The following COL26A1 variants were observed in gnomAD, a reference collection of about 807,000 sequenced individuals.
COL26A1 encodes collagen alpha-1(XXVI) chain.
In COL26A1, 41 loss-of-function variants were observed where a neutral mutation model predicts 59.3. The observed-to-expected ratio is 0.69, with a 90% CI of 0.54 to 0.90. COL26A1 has a LOEUF of 0.90. Among genes scored for constraint, COL26A1 ranks in the 40% least tolerant of loss-of-function variants. The probability of loss-of-function intolerance (pLI) is 0.00; values close to 1 mark genes in which losing one functional copy is unlikely to be tolerated. For missense variants in COL26A1, 612 were observed against 602.3 expected (o/e 1.02, Z -0.17); for synonymous variants, 266 against 256.0 (o/e 1.04, Z -0.37).
chr7:101,443,848 GT>G (rs1176269302), intron 2 of COL26A1, among the ~76,000 whole-genome samples: 15 of 146,904 alleles, frequency 1.0e-4, no homozygotes, highest in Non-Finnish European at 1.8e-4. Context: ...TGTATTCCAA[GT>G]TTTTTCTTTT....
intron 3 of COL26A1, among the ~76,000 whole-genome samples, chr7:101,511,317 A>T (rs182638089): frequency 2.4e-4 from 36 of 152,316 alleles, no homozygotes; most frequent in Admixed American, 3.9e-4. Flanking sequence ...AACCCTTTAG[A>T]AGGCTTTGAC....
chr7:101,367,201 A>G (rs1791067389), intron 1 of COL26A1, among the ~76,000 whole-genome samples: 1 of 152,162 alleles, frequency 6.6e-6, no homozygotes. Flanking sequence ...CTAGTCTACC[A>G]TATTATATCA....
chr7:101,489,585 C>G (rs971800355), intron 3 of COL26A1, among the ~76,000 whole-genome samples: 5 of 151,920 alleles, frequency 3.3e-5, no homozygotes, highest in African/African-American at 9.6e-5. Flanking sequence ...CCACCACACT[C>G]GGCTATTTTC....
At chr7:101,553,901 G>A (rs993814531) in intron 11 of COL26A1, among the ~76,000 whole-genome samples, 11 of 152,094 alleles carry the variant, frequency 7.2e-5, no homozygotes, top group African/African-American at 2.4e-4. Flanking sequence ...GCCAGTGGGA[G>A]GGGGCAGCCA....
intron 1 of COL26A1, among the ~76,000 whole-genome samples, chr7:101,396,609 C>T (rs1234416933): frequency 6.6e-6 from 1 of 152,078 alleles, no homozygotes; most frequent in Non-Finnish European, 1.5e-5. Flanking sequence ...ACTACAGGTG[C>T]CCGCCATCAT....
At chr7:101,418,288 C>T (rs11765474) in intron 1 of COL26A1, among the ~76,000 whole-genome samples, 65,625 of 149,638 alleles carry the variant, frequency 0.44, 16,330 homozygotes, top group Middle Eastern at 0.58. Flanking sequence ...TCTACCTCCT[C>T]ATCTGCATCT....
chr7:101,368,289 G>T (rs4729698), intron 1 of COL26A1, among the ~76,000 whole-genome samples: 2 of 151,844 alleles, frequency 1.3e-5, no homozygotes, highest in African/African-American at 4.8e-5. Flanking sequence ...TGATCATTGC[G>T]TATGTCATTC....
chr7:101,370,151 G>A (rs1463131822), intron 1 of COL26A1, among the ~76,000 whole-genome samples: 3 of 151,818 alleles, frequency 2.0e-5, no homozygotes, highest in Non-Finnish European at 2.9e-5. Context: ...ATGAACCACC[G>A]CGCCTGGCCT....
intron 3 of COL26A1, among the ~76,000 whole-genome samples, chr7:101,492,781 C>T (rs936028076): frequency 6.6e-6 from 1 of 151,568 alleles, no homozygotes; most frequent in African/African-American, 2.4e-5. Context: ...GTTCTGTTGC[C>T]CAGGCTGGAG....
intron 1 of COL26A1, among the ~76,000 whole-genome samples, chr7:101,408,783 C>CG (rs1159826601): frequency 6.6e-6 from 1 of 152,180 alleles, no homozygotes; most frequent in African/African-American, 2.4e-5. Context: ...CTCCTTGCTG[C>CG]GGCTGTGCAG....
chr7:101,530,262 G>T (rs965349500), intron 3 of COL26A1, among the ~76,000 whole-genome samples: 1 of 152,014 alleles, frequency 6.6e-6, no homozygotes, highest in Non-Finnish European at 1.5e-5. Flanking sequence ...ATCATTGGTT[G>T]TGTAAGTTTA....
chr7:101,492,603 A>T (rs1584459373), intron 3 of COL26A1, among the ~76,000 whole-genome samples: 1 of 151,882 alleles, frequency 6.6e-6, no homozygotes, highest in Non-Finnish European at 1.5e-5. Flanking sequence ...AGGCTGAGGC[A>T]GAAGAATTGC....
intron 3 of COL26A1, among the ~76,000 whole-genome samples, chr7:101,466,015 G>A (rs2097907): frequency 0.3 from 46,277 of 151,954 alleles, 7,496 homozygotes; most frequent in Non-Finnish European, 0.35. Flanking sequence ...AGATGACTCA[G>A]TTTCCCAGCT....
intron 3 of COL26A1, among the ~76,000 whole-genome samples, chr7:101,495,576 TTTTA>T (rs1158588505): frequency 6.6e-6 from 1 of 151,688 alleles, no homozygotes; most frequent in African/African-American, 2.4e-5. Context: ...GCCAGGCTAT[TTTTA>T]TTTTTTATTT....
chr7:101,384,338 AC>A (rs897857823), intron 1 of COL26A1, among the ~76,000 whole-genome samples: 3 of 150,294 alleles, frequency 2.0e-5, no homozygotes, highest in African/African-American at 4.9e-5. Context: ...CGGGGTTCAA[AC>A]CATTCTCCTG....
intron 1 of COL26A1, among the ~76,000 whole-genome samples, chr7:101,417,255 T>A (rs1227392004): frequency 6.6e-6 from 1 of 152,170 alleles, no homozygotes; most frequent in Non-Finnish European, 1.5e-5. Context: ...TGTTTCTGTT[T>A]CCTGAGAATT....
rs570012483 is a variant in COL26A1 at position 101,525,206 on chromosome 7, G to A, written c.386-7876G>A. 4.4e-3 allele frequency among the ~76,000 whole-genome samples: 504 copies of A among 114,202 alleles called. 2 individuals are homozygous for A. Among genetic ancestry groups the A allele is most frequent in the South Asian group, 0.015 (49 of 3,310 alleles). The allele number at this position is 114,202 out of a possible 152,430, so 74.9% of individuals were successfully genotyped here. ...TTTTTTTTTTTTTTTTTTTGAGACA[G>A]AGTCTTGCTCTGTCACCCAGGCTGG... On this transcript the variant is annotated intron_variant, in intron 3 of 12. Transcript: ENST00000313669.
At chr7:101,512,556 A>G (rs111277447) in intron 3 of COL26A1, among the ~76,000 whole-genome samples, 13,183 of 152,210 alleles carry the variant, frequency 0.087, 1,256 homozygotes, top group African/African-American at 0.23. Flanking sequence ...CAGGAGGTTG[A>G]GGCTGCAGTG....
intron 2 of COL26A1, among the ~76,000 whole-genome samples, chr7:101,436,249 G>A (rs1376924010): frequency 6.6e-6 from 1 of 152,150 alleles, no homozygotes; most frequent in Non-Finnish European, 1.5e-5. Flanking sequence ...GGGGAGGCTG[G>A]AGGCCTCAGA....
Sources: allele counts gnomAD v4.1 joint callset (sites outside exome capture counted in the v4.1 genomes callset), GRCh38; gene constraint gnomAD v4.1.1; transcripts MANE v1.5; gene names NCBI Gene and HGNC (gene_info 2026-07-23, HGNC 2026-07-21).